Variants in MIS18A observed in about 807,000 individuals in gnomAD.
The protein encoded by MIS18A is protein Mis18-alpha.
In MIS18A, 14 loss-of-function variants were observed where a neutral mutation model predicts 25.0. That is an observed-to-expected ratio of 0.56 (90% CI 0.37 to 0.88). The LOEUF is 0.88. Ranked by LOEUF, MIS18A falls within the 40% of genes least tolerant of loss-of-function variation. The pLI is 0.00. For synonymous variants in MIS18A, 134 were observed against 118.6 expected, an observed-to-expected ratio of 1.13 and a Z score of -0.84; for missense variants, 292 against 290.8, an observed-to-expected ratio of 1.00 and a Z score of -0.03.
At chr21:32,246,289 A>G in the MIS18A span, among the ~76,000 whole-genome samples, 1 of 152,212 alleles carries the variant, frequency 6.6e-6, no homozygotes, top group Non-Finnish European at 1.5e-5. Flanking sequence ...AAGCTGGGCC[A>G]GCAGAGCTCA....
the MIS18A span, among the ~76,000 whole-genome samples, chr21:32,158,440 T>C: frequency 1.3e-5 from 2 of 152,148 alleles, no homozygotes; most frequent in East Asian, 1.9e-4. Flanking sequence ...TTTTTTAGTA[T>C]TAAAGACCCA....
chr21:32,234,505 T>C, the MIS18A span, among the ~76,000 whole-genome samples: 1 of 152,190 alleles, frequency 6.6e-6, no homozygotes, highest in Admixed American at 6.5e-5. Context: ...GATCTCAATT[T>C]ATAAGGCAAT....
chr21:32,270,280 C>A, intron 3 of MIS18A, 127 bp downstream of exon 3: 226 of 979,106 alleles, frequency 2.3e-4, no homozygotes, highest in Middle Eastern at 6.9e-4. Flanking sequence ...AAAAAAATTA[C>A]TGGCTTGTTA....
chr21:32,264,435 T>C (rs922684858), downstream of MIS18A, among the ~76,000 whole-genome samples: 1 of 152,242 alleles, frequency 6.6e-6, no homozygotes, highest in Non-Finnish European at 1.5e-5. Flanking sequence ...AGATTGACTC[T>C]ATTTAAATAA....
chr21:32,242,887 G>A, the MIS18A span, among the ~76,000 whole-genome samples: 1 of 152,154 alleles, frequency 6.6e-6, no homozygotes, highest in African/African-American at 2.4e-5. Context: ...ACAAGTGAGT[G>A]AACTATTTAT....
the MIS18A span, among the ~76,000 whole-genome samples, chr21:32,258,586 T>G: frequency 6.6e-6 from 1 of 151,832 alleles, no homozygotes; most frequent in Non-Finnish European, 1.5e-5. Flanking sequence ...AGCCTGAGAG[T>G]GATACTAACC....
the MIS18A span, among the ~76,000 whole-genome samples, chr21:32,242,265 T>G: frequency 6.6e-6 from 1 of 152,226 alleles, no homozygotes; most frequent in East Asian, 1.9e-4. Flanking sequence ...GGAGGAGGGA[T>G]GATAAGGCTC....
At chr21:32,187,373 G>A in the MIS18A span, among the ~76,000 whole-genome samples, 32 of 152,274 alleles carry the variant, frequency 2.1e-4, no homozygotes, top group African/African-American at 6.7e-4. Flanking sequence ...GGATGATTCC[G>A]CACCAAGGTC....
At chr21:32,160,087 C>A in the MIS18A span, among the ~76,000 whole-genome samples, 1 of 152,242 alleles carries the variant, frequency 6.6e-6, no homozygotes, top group South Asian at 2.1e-4. Context: ...CAAGGAAATA[C>A]ATTTTGGGGT....
chr21:32,255,673 A>G, the MIS18A span, among the ~76,000 whole-genome samples: 2 of 151,650 alleles, frequency 1.3e-5, no homozygotes, highest in Non-Finnish European at 2.9e-5. Context: ...GTGGATCACG[A>G]GGTCAGTAGA....
the MIS18A span, among the ~76,000 whole-genome samples, chr21:32,167,500 T>C: frequency 6.6e-6 from 1 of 151,916 alleles, no homozygotes; most frequent in African/African-American, 2.4e-5. Context: ...TAACATGAGG[T>C]TAATAGTAGA....
the MIS18A span, among the ~76,000 whole-genome samples, chr21:32,240,739 G>A: frequency 1.3e-5 from 2 of 152,090 alleles, no homozygotes; most frequent in Non-Finnish European, 2.9e-5. Context: ...GTCTGCAATG[G>A]ACTGCCACAG....
the MIS18A span, among the ~76,000 whole-genome samples, chr21:32,238,947 G>GA: frequency 2.6e-5 from 4 of 151,490 alleles, no homozygotes; most frequent in African/African-American, 9.7e-5. Flanking sequence ...TTGTTTCTTG[G>GA]GGGAAAAAAA....
chr21:32,157,031 C>G, the MIS18A span, among the ~76,000 whole-genome samples: 1 of 149,852 alleles, frequency 6.7e-6, no homozygotes, highest in East Asian at 2.0e-4. Flanking sequence ...GATTGCATTT[C>G]CTTTCTTTTC....
chr21:32,249,800 C>A, the MIS18A span, among the ~76,000 whole-genome samples: 1 of 152,112 alleles, frequency 6.6e-6, no homozygotes, highest in Non-Finnish European at 1.5e-5. Flanking sequence ...GGGAGGGCAC[C>A]GAGTCATTCA....
At chr21:32,200,107 C>T in the MIS18A span, among the ~76,000 whole-genome samples, 11 of 152,192 alleles carry the variant, frequency 7.2e-5, no homozygotes, top group East Asian at 1.9e-4. Flanking sequence ...ACAATAAATA[C>T]GTAGGCTTTG....
the MIS18A span, among the ~76,000 whole-genome samples, chr21:32,205,566 C>G: frequency 6.6e-6 from 1 of 152,118 alleles, no homozygotes; most frequent in African/African-American, 2.4e-5. Flanking sequence ...CCAATGATCT[C>G]TGTGTGTGTT....
the MIS18A span, among the ~76,000 whole-genome samples, chr21:32,235,565 A>G: frequency 6.6e-6 from 1 of 152,222 alleles, no homozygotes; most frequent in East Asian, 1.9e-4. Flanking sequence ...CATGAGGTGA[A>G]ACCTATTTGA....
the MIS18A span, chr21:32,259,775 C>A: frequency 0.057 from 8,700 of 152,236 alleles, 362 homozygotes; most frequent in South Asian, 0.12. Flanking sequence ...CACACCCCAC[C>A]CCACCCCCAA....
Sources: gnomAD v4.1 joint callset for allele counts (sites outside exome capture counted in the v4.1 genomes callset) on GRCh38, gnomAD v4.1.1 for gene constraint, MANE v1.5 for transcripts, NCBI Gene and HGNC (gene_info 2026-07-23, HGNC 2026-07-21) for gene names.